TENM4: variants seen among roughly 807,000 people sequenced by gnomAD.
TENM4 encodes the protein teneurin transmembrane protein 4, also known as teneurin-4.
TENM4 carries 82 observed loss-of-function variants against 243.3 expected under a neutral mutation model. That is an observed-to-expected ratio of 0.34 (90% CI 0.28 to 0.40). The LOEUF (loss-of-function observed/expected upper bound fraction) is 0.40, where lower values mean the gene tolerates loss of function less well. Ranked by LOEUF, TENM4 falls within the 10% of genes least tolerant of loss-of-function variation. TENM4 has a pLI of 1.00. For synonymous variants in TENM4, 1,412 were observed against 1,456.3 expected, an observed-to-expected ratio of 0.97 and a Z score of 0.69; for missense variants, 3,138 against 3,673.3, an observed-to-expected ratio of 0.85 and a Z score of 3.77.
intron 6 of TENM4, among the ~76,000 whole-genome samples, chr11:78,904,057 C>A (rs914909814): frequency 6.6e-6 from 1 of 152,038 alleles, no homozygotes; most frequent in Non-Finnish European, 1.5e-5. Context: ...CGAAACAAAC[C>A]AAGTTTTTAA....
At chr11:79,207,000 C>T (rs751736045) in intron 3 of TENM4, among the ~76,000 whole-genome samples, 4 of 152,082 alleles carry the variant, frequency 2.6e-5, no homozygotes, top group Non-Finnish European at 5.9e-5. Flanking sequence ...TCTCCCTGAC[C>T]TCAAGAGCTC....
In TENM4 at chr11:78,831,735, T is replaced by C. The variant is rs1476165584; in HGVS notation, c.1682-17340A>G. Among the ~76,000 whole-genome samples, 10 of 152,192 alleles carry C rather than the reference T, an allele frequency of 6.6e-5. 1 individual carries two copies. Among genetic ancestry groups the C allele is most frequent in the Non-Finnish European group, 1.5e-5 (1 of 68,010 alleles). ...AATGAAGGACAAAAGAGACTTCCCATAGTTTGAGCTGAAGGCTCAAAGCAG... is the reference window on the plus strand; with the variant it reads ...AATGAAGGACAAAAGAGACTTCCCACAGTTTGAGCTGAAGGCTCAAAGCAG... On this transcript the variant is annotated intron_variant, in intron 12 of 33. Coordinates refer to ENST00000278550, the MANE Select transcript of TENM4 (RefSeq NM_001098816.3).
At chr11:79,282,802 A>C (rs1203894712) in intron 2 of TENM4, among the ~76,000 whole-genome samples, 1 of 130,594 alleles carries the variant, frequency 7.7e-6, no homozygotes, top group Non-Finnish European at 1.6e-5. Flanking sequence ...TTTGTGTGGA[A>C]ATATTTAAAA....
At chr11:79,199,165 G>T (rs1863692504) in intron 3 of TENM4, among the ~76,000 whole-genome samples, 1 of 152,134 alleles carries the variant, frequency 6.6e-6, no homozygotes, top group South Asian at 2.1e-4. Context: ...TTAGGAGCAA[G>T]CCCACTGTAC....
intron 1 of TENM4, among the ~76,000 whole-genome samples, chr11:79,385,924 T>C (rs1037919914): frequency 2.0e-5 from 3 of 152,192 alleles, no homozygotes; most frequent in African/African-American, 7.2e-5. Context: ...GTACCTGTTG[T>C]GTCTCTATTA....
chr11:78,722,582 C>A, intron 24 of TENM4, 86 bp downstream of exon 24: 1 of 1,531,486 alleles, frequency 6.5e-7, no homozygotes, highest in Non-Finnish European at 8.8e-7. Flanking sequence ...TCCCACTTCC[C>A]TGGGCTCAGC....
intron 1 of TENM4, among the ~76,000 whole-genome samples, chr11:79,433,358 C>A (rs1044182507): frequency 6.6e-6 from 1 of 152,114 alleles, no homozygotes; most frequent in Non-Finnish European, 1.5e-5. Flanking sequence ...TTTGAGATTG[C>A]ACTAACTTAA....
chr11:78,675,401 C>A (rs753712157), intron 30 of TENM4, among the ~76,000 whole-genome samples: 7 of 152,168 alleles, frequency 4.6e-5, no homozygotes, highest in Non-Finnish European at 8.8e-5. Context: ...CCTGAGCACC[C>A]ATGGTGTGCA....
At chr11:79,316,456 G>A (rs1037708212) in intron 1 of TENM4, among the ~76,000 whole-genome samples, 1 of 152,212 alleles carries the variant, frequency 6.6e-6, no homozygotes, top group African/African-American at 2.4e-5. Context: ...ATGGACAAGT[G>A]AGTCTGTGTG....
intron 5 of TENM4, among the ~76,000 whole-genome samples, chr11:79,066,663 T>C (rs1383225333): frequency 2.0e-5 from 3 of 148,126 alleles, no homozygotes; most frequent in Non-Finnish European, 3.0e-5. Flanking sequence ...CGTGCAAACA[T>C]GCACATGCAC....
intron 3 of TENM4, among the ~76,000 whole-genome samples, chr11:79,186,449 A>G (rs1863381423): frequency 6.6e-6 from 1 of 152,252 alleles, no homozygotes; most frequent in African/African-American, 2.4e-5. Context: ...TAGCAATTCC[A>G]GAAAGCAGGT....
intron 2 of TENM4, among the ~76,000 whole-genome samples, chr11:79,272,124 C>T (rs572397104): frequency 8.5e-5 from 13 of 152,264 alleles, no homozygotes; most frequent in Admixed American, 8.5e-4. Flanking sequence ...GCTTTTTCCA[C>T]CTCCCACATC....
At chr11:79,123,638 A>T (rs1400001036) in intron 4 of TENM4, among the ~76,000 whole-genome samples, 1 of 143,200 alleles carries the variant, frequency 7.0e-6, no homozygotes, top group Non-Finnish European at 1.5e-5. Flanking sequence ...CTGAGCACTC[A>T]CTGGGGGACA....
intron 2 of TENM4, among the ~76,000 whole-genome samples, chr11:79,275,740 A>G (rs575645616): frequency 6.6e-6 from 1 of 152,356 alleles, no homozygotes; most frequent in South Asian, 2.1e-4. Flanking sequence ...GTTGGGTTAA[A>G]CTTCCAGACC....
rs552528740 is a variant in TENM4 at position 79,111,284 on chromosome 11, A to G, written c.-66+37426T>C. Among the ~76,000 whole-genome samples the G allele has an allele frequency of 6.6e-5, 10 of 152,268 alleles. No homozygotes were observed. In the South Asian group the frequency reaches 1.7e-3, roughly 25 times the overall value. ...TTTCTGGCCAGGCGCCGTGGCTCAC[A>G]CCTGTAATCCCAGAACTTTGGGAGG... On this transcript the variant is annotated intron_variant, in intron 4 of 33. Transcript: ENST00000278550.
At chr11:78,683,394 G>A (rs1311576019) in intron 29 of TENM4, among the ~76,000 whole-genome samples, 1 of 70,330 alleles carries the variant, frequency 1.4e-5, no homozygotes, top group Admixed American at 1.2e-4. Flanking sequence ...CCGCCTTGCA[G>A]TTTGATCTCA....
chr11:79,057,538 G>C (rs1859973289), intron 6 of TENM4, among the ~76,000 whole-genome samples: 1 of 152,200 alleles, frequency 6.6e-6, no homozygotes, highest in Non-Finnish European at 1.5e-5. Flanking sequence ...GACTCACCCT[G>C]GGGACTTACT....
At chr11:79,042,254 G>C (rs1204232482) in intron 6 of TENM4, among the ~76,000 whole-genome samples, 1 of 152,140 alleles carries the variant, frequency 6.6e-6, no homozygotes, top group Non-Finnish European at 1.5e-5. Context: ...CTAGCACTCA[G>C]CTTATTACTT....
chr11:78,875,686 C>T (rs1264589872), intron 9 of TENM4, among the ~76,000 whole-genome samples: 2 of 152,192 alleles, frequency 1.3e-5, no homozygotes, highest in African/African-American at 2.4e-5. Context: ...ATCATTTAAC[C>T]TTCGTGGCCT....
Sources: gnomAD v4.1 joint callset for allele counts (sites outside exome capture counted in the v4.1 genomes callset) on GRCh38, gnomAD v4.1.1 for gene constraint, MANE v1.5 for transcripts, NCBI Gene and HGNC (gene_info 2026-07-23, HGNC 2026-07-21) for gene names.